TNR: variants seen among roughly 807,000 people sequenced by gnomAD.
TNR encodes tenascin R.
In TNR, 45 loss-of-function variants were observed where a neutral mutation model predicts 150.4. The observed-to-expected ratio is 0.30, with a 90% CI of 0.24 to 0.38. The LOEUF is 0.38. Ranked by LOEUF, TNR falls within the 10% of genes least tolerant of loss-of-function variation. TNR has a pLI of 1.00. For missense variants in TNR, 1,544 were observed against 1,759.1 expected (o/e 0.88, Z 2.19); for synonymous variants, 687 against 678.4 (o/e 1.01, Z -0.20).
intron 1 of TNR, among the ~76,000 whole-genome samples, chr1:175,582,882 A>T (rs1299434802): frequency 6.6e-6 from 1 of 152,114 alleles, no homozygotes; most frequent in Non-Finnish European, 1.5e-5. Context: ...TCATTATAAA[A>T]GGGTTAGTTC....
chr1:175,356,583 A>G, intron 15 of TNR, 121 bp from the exon 16 acceptor site: 1 of 1,176,922 alleles, frequency 8.5e-7, no homozygotes, highest in Non-Finnish European at 1.2e-6. Context: ...AAAATCTTTC[A>G]TAGGTTATCT....
At chr1:175,513,034 T>C (rs1252995830) in intron 2 of TNR, among the ~76,000 whole-genome samples, 1 of 152,190 alleles carries the variant, frequency 6.6e-6, no homozygotes, top group East Asian at 1.9e-4. Flanking sequence ...AACTTACACC[T>C]ACTGAATCTG....
chr1:175,519,086 C>G (rs980034478), intron 2 of TNR, among the ~76,000 whole-genome samples: 4 of 152,172 alleles, frequency 2.6e-5, no homozygotes, highest in East Asian at 1.9e-4. Context: ...CATTGTCACT[C>G]TTATTTACAA....
At chr1:175,548,056 T>C (rs1003851414) in intron 1 of TNR, among the ~76,000 whole-genome samples, 1 of 152,172 alleles carries the variant, frequency 6.6e-6, no homozygotes, top group Non-Finnish European at 1.5e-5. Context: ...TGGGGAGCTG[T>C]TCAAATCACA....
intron 2 of TNR, among the ~76,000 whole-genome samples, chr1:175,491,680 C>T (rs950806111): frequency 3.4e-5 from 4 of 117,864 alleles, no homozygotes; most frequent in African/African-American, 1.0e-4. Context: ...GATGGAGTCT[C>T]GCTCTGTTGC....
intron 1 of TNR, among the ~76,000 whole-genome samples, chr1:175,689,718 G>T (rs1331963357): frequency 6.6e-6 from 1 of 152,178 alleles, no homozygotes; most frequent in Non-Finnish European, 1.5e-5. Context: ...CATTTTAATG[G>T]CACTGCCAAC....
chr1:175,553,996 TGGCCACAAACA>T (rs1661053043), intron 1 of TNR, among the ~76,000 whole-genome samples: 2 of 152,130 alleles, frequency 1.3e-5, no homozygotes, highest in Non-Finnish European at 2.9e-5. Context: ...TGATGAAAAA[TGGCCACAAACA>T]GGCCACCTTT....
intron 2 of TNR, among the ~76,000 whole-genome samples, chr1:175,410,528 C>T (rs1001950221): frequency 2.6e-5 from 4 of 152,096 alleles, no homozygotes; most frequent in African/African-American, 4.8e-5. Context: ...GGGAGGGGCA[C>T]GCAAAGTGGG....
chr1:175,740,637 T>C (rs1667902026), intron 1 of TNR, among the ~76,000 whole-genome samples: 1 of 152,104 alleles, frequency 6.6e-6, no homozygotes, highest in Non-Finnish European at 1.5e-5. Context: ...TGTCTCCAGA[T>C]TGCTGGCCAG....
chr1:175,599,979 G>T lies in TNR; in HGVS notation c.-164-71610C>A, dbSNP rs1029316503. Among the ~76,000 whole-genome samples the T allele has an allele frequency of 6.6e-6, 1 of 152,158 alleles. No homozygotes were observed. The highest frequency in any genetic ancestry group is 2.4e-5 in the African/African-American group (1 of 41,430). On this transcript the variant is annotated intron_variant, in intron 1 of 22. Coordinates refer to ENST00000367674, the MANE Select transcript of TNR (RefSeq NM_003285.3). The surrounding 1 kb of genome is among the most constrained non-coding windows in gnomAD (Gnocchi z 4.7). ...TATGATAGAGTAAAATCCCTTGCAGGACTTCCATTCGACTGCACGCCTACT... is the reference window on the plus strand; with the variant it reads ...TATGATAGAGTAAAATCCCTTGCAGTACTTCCATTCGACTGCACGCCTACT...
rs546318990 is a variant in TNR, at chr1:175,446,963, CGTGT to C, written c.-63-40190_-63-40187del. ...TGTTATATGTATGTGCAAATGTGTA[CGTGT>C]GTATGTGTAATCATGTGTATGGGCA... is the stretch of plus-strand genomic sequence containing the variant. On this transcript the variant is annotated intron_variant, in intron 2 of 22. Coordinates refer to ENST00000367674, the MANE Select transcript of TNR (RefSeq NM_003285.3). Among the ~76,000 whole-genome samples, 98 of 152,052 alleles carry C rather than the reference CGTGT, an allele frequency of 6.4e-4. 1 individual carries two copies. The highest frequency in any genetic ancestry group is 2.3e-3 in the African/African-American group (95 of 41,446).
intron 1 of TNR, among the ~76,000 whole-genome samples, chr1:175,637,985 A>T (rs1223148266): frequency 1.3e-5 from 2 of 152,158 alleles, no homozygotes; most frequent in Non-Finnish European, 2.9e-5. Flanking sequence ...AGTGAATTTT[A>T]GAAAAGACTC....
intron 1 of TNR, among the ~76,000 whole-genome samples, chr1:175,554,245 G>A (rs939719346): frequency 6.0e-5 from 9 of 150,918 alleles, no homozygotes; most frequent in Admixed American, 1.3e-4. Context: ...TTTACAGATG[G>A]CACTCCTATC....
chr1:175,362,489 A>G (rs1350517852), intron 14 of TNR, among the ~76,000 whole-genome samples, 174 bp downstream of exon 14: 1 of 152,152 alleles, frequency 6.6e-6, no homozygotes, highest in East Asian at 1.9e-4. Flanking sequence ...AACGTTTAGT[A>G]TTAGGGAGGA....
intron 19 of TNR, among the ~76,000 whole-genome samples, chr1:175,336,479 G>A (rs570118611): frequency 2.8e-4 from 42 of 152,296 alleles, no homozygotes; most frequent in African/African-American, 9.1e-4. Flanking sequence ...AGCGAGAGAG[G>A]GCATCCAAAG....
chr1:175,580,063 C>A (rs369210167), intron 1 of TNR, among the ~76,000 whole-genome samples: 147 of 152,294 alleles, frequency 9.7e-4, no homozygotes, highest in African/African-American at 3.3e-3. Flanking sequence ...AAGCCCACTA[C>A]CTGACATCTA....
rs1029066852 is a variant in TNR, at chr1:175,327,747, G to A, written c.3793+2327C>T. 6.6e-5 allele frequency among the ~76,000 whole-genome samples: 10 copies of A among 152,080 alleles called. 1 individual carries two copies. The highest frequency in any genetic ancestry group is 2.1e-4 in the South Asian group (1 of 4,814). On this transcript the variant is annotated intron_variant, in intron 21 of 22. Transcript: ENST00000367674. ...TTTCCTTACCATGGGAATCCCAGTCGAATGCAGCTGCCTTTATGATGCCGT... is the reference window on the plus strand; with the variant it reads ...TTTCCTTACCATGGGAATCCCAGTCAAATGCAGCTGCCTTTATGATGCCGT...
chr1:175,546,508 T>G (rs1266705324), intron 1 of TNR, among the ~76,000 whole-genome samples: 1 of 152,180 alleles, frequency 6.6e-6, no homozygotes, highest in Non-Finnish European at 1.5e-5. Context: ...GGAACTTCCC[T>G]CCAACCTGGA....
At chr1:175,724,891 G>T (rs913903670) in intron 1 of TNR, among the ~76,000 whole-genome samples, 5 of 151,902 alleles carry the variant, frequency 3.3e-5, no homozygotes, top group Non-Finnish European at 7.4e-5. Flanking sequence ...AGAGGAAGAA[G>T]GAAAAAGGGG....
Sources: gnomAD v4.1 joint callset for allele counts (sites outside exome capture counted in the v4.1 genomes callset) on GRCh38, gnomAD v4.1.1 for gene constraint, Gnocchi (gnomAD v3.1) non-coding constraint, MANE v1.5 for transcripts, NCBI Gene and HGNC (gene_info 2026-07-23, HGNC 2026-07-21) for gene names.